Variants in BOK observed in about 807,000 individuals in gnomAD.
BOK encodes bcl-2-related ovarian killer protein.
A neutral mutation model predicts 18.3 loss-of-function variants in BOK; 20 were observed. The ratio of observed to expected loss-of-function variants is 1.09; its 90% CI spans 0.77 to 1.59. BOK has a LOEUF of 1.59. BOK is among the 40% of genes most tolerant of loss of function. The pLI is 0.00. For missense variants in BOK, 348 were observed against 307.9 expected, an observed-to-expected ratio of 1.13 and a Z score of -0.97; for synonymous variants, 173 against 142.4, an observed-to-expected ratio of 1.21 and a Z score of -1.53.
At chr2:241,555,988 C>T (rs937774494), upstream of BOK, among the ~76,000 whole-genome samples, 4 of 152,304 alleles carry the variant, frequency 2.6e-5, no homozygotes, top group Admixed American at 6.5e-5. Flanking sequence ...AGGCTCTTCC[C>T]CTGACAGAGG....
At chr2:241,551,938 T>C (rs7570235) in intron 1 of BOK, among the ~76,000 whole-genome samples, 108,472 of 151,832 alleles carry the variant, frequency 0.71, 39,998 homozygotes, top group African/African-American at 0.9. Context: ...GTGGGGGGCG[T>C]TCTCTGAGGA....
At position 241,562,104 on chromosome 2, in the gene BOK, GA is replaced by G. The variant is rs1266669346; in HGVS notation, c.221-243del. Among the ~76,000 whole-genome samples the G allele has an allele frequency of 1.3e-5, 2 of 152,252 alleles. No homozygotes were observed. The highest frequency in any genetic ancestry group is 2.4e-5 in the African/African-American group (1 of 41,476). ...GCTAGGCTTAGGGGCTGGCTCGTCA[GA>G]GGGGCGGGACTGGGGGCGCCTTCAG... On this transcript the variant is annotated intron_variant, in intron 2 of 4. Transcript: ENST00000318407. This position sits in a 1 kb window ranked among gnomAD's most constrained non-coding sequence, Gnocchi z 4.5.
At chr2:241,552,937 G>A (rs781764187) in intron 1 of BOK, among the ~76,000 whole-genome samples, 1 of 152,160 alleles carries the variant, frequency 6.6e-6, no homozygotes, top group Admixed American at 6.5e-5. Flanking sequence ...GAAAGATTCC[G>A]GGCGGCTCGC....
intron 3 of BOK, among the ~76,000 whole-genome samples, chr2:241,569,723 G>T (rs910806450): frequency 2.0e-5 from 3 of 152,194 alleles, no homozygotes; most frequent in African/African-American, 7.2e-5. Context: ...CAGGTTAGGG[G>T]TCTGGGGAAG....
At chr2:241,564,134 G>A (rs865805319) in intron 3 of BOK, among the ~76,000 whole-genome samples, 10 of 152,356 alleles carry the variant, frequency 6.6e-5, no homozygotes, top group South Asian at 2.1e-4. Context: ...GGGATGCAGC[G>A]GCGACCTGGC....
At chr2:241,553,300 G>A (rs1317413555) in intron 1 of BOK, among the ~76,000 whole-genome samples, 3 of 152,112 alleles carry the variant, frequency 2.0e-5, no homozygotes, top group East Asian at 1.9e-4. Context: ...ACAGGTGCCC[G>A]CTACCACACC....
chr2:241,568,226 T>C (rs996450952), intron 3 of BOK, among the ~76,000 whole-genome samples: 1 of 152,202 alleles, frequency 6.6e-6, no homozygotes, highest in Non-Finnish European at 1.5e-5. Context: ...GTTCACACCA[T>C]TCTCCTGCCT....
rs1342773958 is a variant in BOK, at chr2:241,562,166, T to C, written c.221-182T>C. 2.0e-5 allele frequency among the ~76,000 whole-genome samples: 3 copies of C among 151,874 alleles called. No individual in the cohort carries two copies. In the East Asian group the frequency reaches 5.8e-4, roughly 29 times the overall value. ...GTCTTCTGGTCCCTAGGGGCCAAGG[T>C]TGGGGGATGGCCCAAGGGAGGTCAG... On this transcript the variant is annotated intron_variant, in intron 2 of 4. Coordinates refer to ENST00000318407, the MANE Select transcript of BOK (RefSeq NM_032515.5). The surrounding 1 kb of genome is among the most constrained non-coding windows in gnomAD (Gnocchi z 4.5).
At chr2:241,565,766 G>A (rs899975155) in intron 3 of BOK, among the ~76,000 whole-genome samples, 2 of 152,222 alleles carry the variant, frequency 1.3e-5, no homozygotes, top group African/African-American at 4.8e-5. Context: ...AGACTCCCAC[G>A]AAGGCAGAGG....
chr2:241,564,479 A>C (rs1259905141), intron 3 of BOK, among the ~76,000 whole-genome samples: 1 of 147,164 alleles, frequency 6.8e-6, no homozygotes, highest in East Asian at 2.1e-4. Context: ...GGCCCAGGCC[A>C]GGCTGAGGCG....
In BOK at chr2:241,572,424, C is replaced by A; in HGVS notation, c.*2C>A. On this transcript the variant is annotated 3_prime_UTR_variant, in exon 5 of 5. Transcript: ENST00000318407. ...TTCGTGCTGCTGCCAGAGAGATGAG[C>A]TGCCCACCTGGCAGTGGCCGCAGCC... is the stretch of plus-strand genomic sequence containing the variant. 1 of 1,595,720 alleles carries A rather than the reference C, an allele frequency of 6.3e-7. No individual in the cohort carries two copies. The highest frequency in any genetic ancestry group is 2.2e-5 in the East Asian group (1 of 44,738).
intron 1 of BOK, among the ~76,000 whole-genome samples, chr2:241,552,027 G>T (rs1001827236): frequency 2.6e-5 from 4 of 152,352 alleles, no homozygotes; most frequent in African/African-American, 9.6e-5. Context: ...AGCGGGAGAG[G>T]AGGCTGCAGA....
upstream of BOK, among the ~76,000 whole-genome samples, chr2:241,558,054 G>GACACACACACATACACACACAC (rs2066468082): frequency 4.2e-5 from 6 of 143,244 alleles, 2 homozygotes; most frequent in South Asian, 1.4e-3. Flanking sequence ...AGAGTTCCGA[G>GACACACACACATACACACACAC]ACACACACAC....
chr2:241,563,747 C>T (rs889363879), intron 3 of BOK, among the ~76,000 whole-genome samples: 1 of 152,220 alleles, frequency 6.6e-6, no homozygotes, highest in Non-Finnish European at 1.5e-5. Flanking sequence ...CAGCAGGAGC[C>T]AGGCATCAGG....
At position 241,566,840 on chromosome 2, in the gene BOK, G is replaced by A. The variant is rs951374459; in HGVS notation, c.350-3285G>A. ...CAGAAAGTAAGATGAGTGGCTGCCA[G>A]GGGCTGTCGGTGAAATAGGGAGTGA... On this transcript the variant is annotated intron_variant, in intron 3 of 4. Transcript: ENST00000318407. 5.9e-5 allele frequency among the ~76,000 whole-genome samples: 8 copies of A among 134,466 alleles called. 2 individuals are homozygous for A. The highest frequency in any genetic ancestry group is 3.8e-4 in the Admixed American group (5 of 13,322). The allele number at this position is 134,466 out of a possible 152,430, so 88.2% of individuals were successfully genotyped here.
upstream of BOK, among the ~76,000 whole-genome samples, chr2:241,557,846 AAGATTTCAATCCGTTG>A (rs1381359794): frequency 3.3e-5 from 5 of 152,206 alleles, no homozygotes; most frequent in African/African-American, 9.7e-5. Flanking sequence ...GACACACTGT[AAGATTTCAATCCGTTG>A]AGATTTGCTG....
intron 1 of BOK, chr2:241,551,577 T>G (rs1409236074): frequency 6.6e-6 from 1 of 151,514 alleles, no homozygotes; most frequent in Non-Finnish European, 1.5e-5. Context: ...CTGGTCTCAC[T>G]GCCGCAGATG....
At chr2:241,563,356 T>G (rs764349943) in intron 3 of BOK, among the ~76,000 whole-genome samples, 1 of 152,190 alleles carries the variant, frequency 6.6e-6, no homozygotes, top group Non-Finnish European at 1.5e-5. Flanking sequence ...TCTGTGACCT[T>G]GGGTCCTGTC....
chr2:241,556,475 T>G (rs1574991953), upstream of BOK, among the ~76,000 whole-genome samples: 1 of 144,956 alleles, frequency 6.9e-6, no homozygotes, highest in Non-Finnish European at 1.5e-5. Context: ...TCCCAGCTAC[T>G]CGGGAGGCTG....
Sources: gnomAD v4.1 joint callset for allele counts (sites outside exome capture counted in the v4.1 genomes callset) on GRCh38, gnomAD v4.1.1 for gene constraint, Gnocchi (gnomAD v3.1) non-coding constraint, MANE v1.5 for transcripts, NCBI Gene and HGNC (gene_info 2026-07-23, HGNC 2026-07-21) for gene names.